Variants in SNAPC2 observed in about 807,000 individuals in gnomAD.
The protein encoded by SNAPC2 is snRNA-activating protein complex subunit 2.
A neutral mutation model predicts 22.9 loss-of-function variants in SNAPC2; 27 were observed. That is an observed-to-expected ratio of 1.18 (90% CI 0.87 to 1.63). The LOEUF is 1.63. Among genes scored for constraint, SNAPC2 ranks in the 40% most tolerant of loss-of-function variants. The probability of loss-of-function intolerance (pLI) is 0.00; values close to 1 mark genes in which losing one functional copy is unlikely to be tolerated. For missense variants in SNAPC2, 570 were observed against 449.1 expected (o/e 1.27, Z -2.43); for synonymous variants, 272 against 201.0 (o/e 1.35, Z -2.99).
At position 7,920,355 on chromosome 19, in the gene SNAPC2, T is replaced by C; in HGVS notation, c.-12T>C. On this transcript the variant is annotated 5_prime_UTR_variant, in exon 1 of 5. Coordinates refer to ENST00000221573, the MANE Select transcript of SNAPC2 (RefSeq NM_003083.4). ...GAAGCGACCTTACAGCGCCTGCCTC[T>C]TTCTGAGCGGCATGAAGCCACCTCC... 1 of 1,565,068 alleles carries C rather than the reference T, an allele frequency of 6.4e-7. No homozygotes were observed. The highest frequency in any genetic ancestry group is 1.1e-5 in the South Asian group (1 of 88,318).
At position 7,921,560 on chromosome 19, in the gene SNAPC2, G is replaced by A. The variant is rs1008607164; in HGVS notation, c.303+18G>A. On this transcript the variant is annotated intron_variant, in intron 2 of 4. Coordinates refer to ENST00000221573, the MANE Select transcript of SNAPC2 (RefSeq NM_003083.4). ...CCATAGAGGTGAGGCAGATGAACAG[G>A]GTGAGGCTGTCCAGGGCAGGTCCCT... is the stretch of plus-strand genomic sequence containing the variant. 6.2e-7 allele frequency: 1 copy of A among 1,609,086 alleles called. No homozygotes were observed. Among genetic ancestry groups the A allele is most frequent in the Middle Eastern group, 1.7e-4 (1 of 6,030 alleles).
intron 1 of SNAPC2, 145 bp downstream of exon 1, chr19:7,920,694 C>A (rs1205677378): frequency 3.5e-5 from 5 of 142,672 alleles, no homozygotes; most frequent in Non-Finnish European, 5.8e-5. Flanking sequence ...AGTGGCGGGG[C>A]GTTAGTGGGT....
chr19:7,923,069 C>G lies in SNAPC2; in HGVS notation c.*305C>G. The G allele has an allele frequency of 2.8e-6, 1 of 361,902 alleles. No homozygotes were observed. The highest frequency in any genetic ancestry group is 5.0e-6 in the Non-Finnish European group (1 of 200,142). The allele number at this position is 361,902 out of a possible 1,614,324, so 22.4% of individuals were successfully genotyped here. ...CTGTGCCTTGTTGTCTGCTGGGGGG[C>G]CATAGCTGGCACTGCCCACCGTAAA... On this transcript the variant is annotated 3_prime_UTR_variant, in exon 5 of 5. Coordinates refer to ENST00000221573, the MANE Select transcript of SNAPC2 (RefSeq NM_003083.4).
rs899726219 is a variant in SNAPC2 at position 7,922,953 on chromosome 19, G to A, written c.*189G>A. 8 of 546,420 alleles carry A rather than the reference G, an allele frequency of 1.5e-5. No homozygotes were observed. Among genetic ancestry groups the A allele is most frequent in the African/African-American group, 1.9e-5 (1 of 52,222 alleles). The allele number at this position is 546,420 out of a possible 1,614,324, so 33.8% of individuals were successfully genotyped here. A position where few individuals can be genotyped will look rare whatever the true frequency, so the allele number is the denominator to read the frequency against. On this transcript the variant is annotated 3_prime_UTR_variant, in exon 5 of 5. Coordinates refer to ENST00000221573, the MANE Select transcript of SNAPC2 (RefSeq NM_003083.4). ...AGAAATGGAACCCCCGTTGTACAGG[G>A]GTTGGGTGGGGGTTGCAGGACTCCA...
At position 7,922,199 on chromosome 19, in the gene SNAPC2, C is replaced by T. The variant is rs766391778; in HGVS notation, c.537C>T (p.Pro179=). 2 of 1,614,048 alleles carry T rather than the reference C, an allele frequency of 1.2e-6. No homozygotes were observed. The highest frequency in any genetic ancestry group is 2.7e-5 in the African/African-American group (2 of 74,932). Residue 179 remains proline (P), a synonymous_variant, in exon 4 of 5, where the codon CCC becomes CCT. Transcript: ENST00000221573. ...CCCCTGCTGCACCTAGCTCCGCACCCAGGACTCCTGACCCTGCCCCTGAGA... is the reference window on the plus strand; with the variant it reads ...CCCCTGCTGCACCTAGCTCCGCACCTAGGACTCCTGACCCTGCCCCTGAGA... ...SSAPAAPSSA[P]RTPDPAPEKP...
chr19:7,922,982 A>G lies in SNAPC2; in HGVS notation c.*218A>G. ...GGGTGGGGGTTGCAGGACTCCACTC[A>G]CAAGCCTCCTGATGTCAAGGACAGG... On this transcript the variant is annotated 3_prime_UTR_variant, in exon 5 of 5. Transcript: ENST00000221573. 3.9e-6 allele frequency: 2 copies of G among 508,134 alleles called. No individual in the cohort carries two copies. Among genetic ancestry groups the G allele is most frequent in the Non-Finnish European group, 3.5e-6 (1 of 288,484 alleles). 31.5% of individuals were successfully genotyped at this position (508,134 alleles called of 1,614,324 possible). A position where few individuals can be genotyped will look rare whatever the true frequency, so the allele number is the denominator to read the frequency against.
Position 7,921,434 on chromosome 19 carries a change from C to T in SNAPC2, c.195C>T (p.Phe65=), listed in dbSNP as rs201059287. ...RGRSEAEIRV[F]LQQLKGRVAR... ...TCTTTCCTTTCTAGATCCGGGTCTT[C>T]CTCCAGCAGCTCAAGGGCCGCGTAG... is the stretch of plus-strand genomic sequence containing the variant. The change falls in exon 2 of 5, where the codon TTC becomes TTT. Residue 65 remains phenylalanine, a synonymous_variant. Coordinates refer to ENST00000221573, the MANE Select transcript of SNAPC2 (RefSeq NM_003083.4). 6.2e-6 allele frequency: 10 copies of T among 1,613,750 alleles called. No homozygotes were observed. The highest frequency in any genetic ancestry group is 7.6e-6 in the Non-Finnish European group (9 of 1,179,832).
Position 7,922,126 on chromosome 19 carries a change from GCGCCCCTGGAGGACAGGAAGACCC to G in SNAPC2, c.473_496del (p.Gly158_Pro165del), listed in dbSNP as rs1292358782. On this transcript the variant is annotated inframe_deletion, in exon 4 of 5. Transcript: ENST00000221573. ...GCCCGTGGAAAGCCTTTGCTCCTGAGCGCCCCTGGAGGACAGGAAGACCCCGCCCCTGAAATACCTAGCTCTGCC... is the reference window on the plus strand; with the variant it reads ...GCCCGTGGAAAGCCTTTGCTCCTGAGCGCCCCTGAAATACCTAGCTCTGCC... The G allele has an allele frequency of 3.1e-6, 5 of 1,613,872 alleles. No homozygotes were observed. The highest frequency in any genetic ancestry group is 1.1e-5 in the South Asian group (1 of 91,080).
chr19:7,921,733 C>G lies in SNAPC2; in HGVS notation c.332C>G (p.Thr111Arg). ...TGGACGGATCTGGCTGAGAAGATAA[C>G]AGGGCCACTGGAAGAAGCCCTGGCA... ...EVWTDLAEKI[T>R]GPLEEALAVA... is the part of the protein sequence containing the mutation. Residue 111 changes from threonine to arginine, a missense_variant, in exon 3 of 5, where the codon ACA becomes AGA. Physicochemically the swap from Thr to Arg is moderately conservative, Grantham distance 71 (BLOSUM62 -1). Transcript: ENST00000221573. 1.2e-6 allele frequency: 2 copies of G among 1,613,730 alleles called. No individual in the cohort carries two copies. Among genetic ancestry groups the G allele is most frequent in the Non-Finnish European group, 8.5e-7 (1 of 1,179,822 alleles).
intron 1 of SNAPC2, chr19:7,921,121 TGA>T (rs1172081919): frequency 8.4e-6 from 11 of 1,307,206 alleles, no homozygotes; most frequent in African/African-American, 1.5e-5. Context: ...GAGCTTGAAG[TGA>T]GAGGGAATAG....
Position 7,922,923 on chromosome 19 carries a change from G to A in SNAPC2, c.*159G>A. ...CTCTAAGATGCCCCATACTTTGGGG[G>A]TCTCAGAAATGGAACCCCCGTTGTA... On this transcript the variant is annotated 3_prime_UTR_variant, in exon 5 of 5. Transcript: ENST00000221573. 2 of 600,400 alleles carry A rather than the reference G, an allele frequency of 3.3e-6. No homozygotes were observed. Among genetic ancestry groups the A allele is most frequent in the Non-Finnish European group, 5.7e-6 (2 of 352,680 alleles). The allele number at this position is 600,400 out of a possible 1,614,324, so 37.2% of individuals were successfully genotyped here.
intron 3 of SNAPC2, 29 bp from the exon 4 acceptor site, chr19:7,922,006 T>C: frequency 6.3e-7 from 1 of 1,585,906 alleles, no homozygotes. Context: ...TCCCAGCTCC[T>C]CTTCCTCCCT....
chr19:7,923,021 C>T lies in SNAPC2; in HGVS notation c.*257C>T, dbSNP rs1983645925. On this transcript the variant is annotated 3_prime_UTR_variant, in exon 5 of 5. Transcript: ENST00000221573. ...GTCAAGGACAGGCGGACAGGGCTGG[C>T]CTCCCCCAGTCCCCAAGCCCCACTG... 3 of 456,262 alleles carry T rather than the reference C, an allele frequency of 6.6e-6. No homozygotes were observed. Among genetic ancestry groups the T allele is most frequent in the Admixed American group, 8.1e-5 (2 of 24,812 alleles). 28.3% of individuals were successfully genotyped at this position (456,262 alleles called of 1,614,324 possible).
rs767989328 is a variant in SNAPC2 at position 7,920,385 on chromosome 19, C to A, written c.19C>A (p.Arg7=). The stretch of plus-strand genomic sequence containing the variant: ...GAGCGGCATGAAGCCACCTCCCAGG[C>A]GGCGAGCGGCCCCGGCGCGCTATCT... MKPPPR[R]RAAPARYLGE... Residue 7 remains arginine, a synonymous_variant, in exon 1 of 5, where the codon CGG becomes AGG. Coordinates refer to ENST00000221573, the MANE Select transcript of SNAPC2 (RefSeq NM_003083.4). 1 of 1,579,220 alleles carries A rather than the reference C, an allele frequency of 6.3e-7. No individual in the cohort carries two copies. Among genetic ancestry groups the A allele is most frequent in the Non-Finnish European group, 8.5e-7 (1 of 1,170,580 alleles).
At chr19:7,921,346 A>G (rs1034291119) in intron 1 of SNAPC2, 77 bp from the exon 2 acceptor site, 14 of 1,606,324 alleles carry the variant, frequency 8.7e-6, no homozygotes, top group Admixed American at 1.7e-5. Flanking sequence ...CAGAGCATAC[A>G]AGGGATTGGG....
chr19:7,921,359 T>C, intron 1 of SNAPC2, 64 bp from the exon 2 acceptor site: 1 of 1,611,132 alleles, frequency 6.2e-7, no homozygotes, highest in Non-Finnish European at 8.5e-7. Context: ...GGATTGGGCT[T>C]TGGCTTCTCT....
At chr19:7,921,797 T>A (rs372400847) in intron 3 of SNAPC2, 24 bp downstream of exon 3, 23 of 1,607,834 alleles carry the variant, frequency 1.4e-5, no homozygotes, top group Non-Finnish European at 1.9e-5. Context: ...CCCAGGCAGG[T>A]CAGGGTGTCC....
At position 7,922,317 on chromosome 19, in the gene SNAPC2, AGT is replaced by A; in HGVS notation, c.657_658del (p.Ser219ArgfsTer10). 6.2e-7 allele frequency: 1 copy of A among 1,613,716 alleles called. No homozygotes were observed. Among genetic ancestry groups the A allele is most frequent in the South Asian group, 1.1e-5 (1 of 91,080 alleles). Reference protein sequence around the residue: ...IYKYLSSVSRSGRSPELSAAE... With the variant: ...IYKYLSSVSRXGRSPELSAAE... ...CAAGTACTTGTCCTCTGTCTCCCGAAGTGGCCGCAGCCCCGAGCTCTCAGCAG... is the reference window on the plus strand; with the variant it reads ...CAAGTACTTGTCCTCTGTCTCCCGAAGGCCGCAGCCCCGAGCTCTCAGCAG... On this transcript the variant is annotated frameshift_variant, in exon 4 of 5. Transcript: ENST00000221573. LOFTEE classifies it low-confidence loss of function (END_TRUNC).
At position 7,922,664 on chromosome 19, in the gene SNAPC2, G is replaced by A. The variant is rs749812557; in HGVS notation, c.905G>A (p.Ser302Asn). The A allele has an allele frequency of 1.2e-6, 2 of 1,613,502 alleles. No individual in the cohort carries two copies. Among genetic ancestry groups the A allele is most frequent in the Non-Finnish European group, 1.7e-6 (2 of 1,179,952 alleles). The part of the protein sequence containing the change: ...TPPATEKAEH[S>N]ELKSPWQAAG... ...CCAGCCACCGAGAAGGCCGAGCACA[G>A]CGAACTGAAATCGCCTTGGCAAGCA... The change falls in exon 5 of 5, where the codon AGC (serine) becomes AAC (asparagine). Residue 302 changes from serine (S) to asparagine (N), a missense_variant. Transcript: ENST00000221573.
Sources: gnomAD v4.1 joint callset for allele counts on GRCh38, gnomAD v4.1.1 for gene constraint, MANE v1.5 for transcripts, NCBI Gene and HGNC (gene_info 2026-07-23, HGNC 2026-07-21) for gene names.